MARK3: variants seen among roughly 807,000 people sequenced by gnomAD.
The protein encoded by MARK3 is MAP/microtubule affinity-regulating kinase 3.
In MARK3, 46 loss-of-function variants were observed where a neutral mutation model predicts 90.1. The observed-to-expected ratio is 0.51, with a 90% CI of 0.40 to 0.65. MARK3 has a LOEUF of 0.65. Among genes scored for constraint, MARK3 ranks in the 30% least tolerant of loss-of-function variants. The pLI, the probability that MARK3 is intolerant of heterozygous loss-of-function variation, is 0.00. For missense variants in MARK3, 818 were observed against 947.2 expected (o/e 0.86, Z 1.79); for synonymous variants, 321 against 332.6 (o/e 0.97, Z 0.38).
chr14:103,399,154 C>T lies in MARK3; in HGVS notation c.52-5922C>T, dbSNP rs189160068. Among the ~76,000 whole-genome samples the T allele has an allele frequency of 1.8e-3, 268 of 152,136 alleles. 3 individuals carry two copies. The highest frequency in any genetic ancestry group is 6.0e-3 in the African/African-American group (247 of 41,490). ...AAAAAATTTTTTACGGACTTCCTGC[C>T]GGCAAGGATTTTTTTAAAAGATTTT... On this transcript the variant is annotated intron_variant, in intron 1 of 17. Coordinates refer to ENST00000429436, the MANE Select transcript of MARK3 (RefSeq NM_001128918.3).
intron 14 of MARK3, among the ~76,000 whole-genome samples, chr14:103,487,356 ATAAATT>A (rs1452049438): frequency 6.6e-6 from 1 of 151,840 alleles, no homozygotes; most frequent in African/African-American, 2.4e-5. Flanking sequence ...TAATGAGAAA[ATAAATT>A]TACATTTCCT....
intron 13 of MARK3, among the ~76,000 whole-genome samples, chr14:103,478,460 A>G (rs965005720): frequency 6.6e-6 from 1 of 150,724 alleles, no homozygotes; most frequent in Non-Finnish European, 1.5e-5. Flanking sequence ...GAACCATTTC[A>G]CATGTATCCT....
chr14:103,428,700 C>T (rs533698997), intron 3 of MARK3, among the ~76,000 whole-genome samples: 15 of 151,754 alleles, frequency 9.9e-5, no homozygotes, highest in Admixed American at 4.6e-4. Context: ...TATAGTTGTA[C>T]GAGGCTGTAC....
Position 103,467,789 on chromosome 14 carries a change from C to T in MARK3, c.1111-244C>T, listed in dbSNP as rs1397122900. On this transcript the variant is annotated intron_variant, in intron 11 of 17. Transcript: ENST00000429436. ...CGTAAAGCATCAGATGAAGTAAATA[C>T]AACATTTAAAGTTATTTGAGAAAGC... 3 of 281,882 alleles carry T rather than the reference C, an allele frequency of 1.1e-5. No homozygotes were observed. In the East Asian group the frequency reaches 2.2e-4, roughly 21 times the overall value. 17.5% of individuals were successfully genotyped at this position (281,882 alleles called of 1,614,324 possible). A position where few individuals can be genotyped will look rare whatever the true frequency, so the allele number is the denominator to read the frequency against.
chr14:103,385,917 C>G lies in MARK3; in HGVS notation c.-113C>G. 1 of 834,966 alleles carries G rather than the reference C, an allele frequency of 1.2e-6. No individual in the cohort carries two copies. Among genetic ancestry groups the G allele is most frequent in the South Asian group, 1.4e-5 (1 of 72,502 alleles). 51.7% of individuals were successfully genotyped at this position (834,966 alleles called of 1,614,324 possible). On this transcript the variant is annotated 5_prime_UTR_variant, in exon 1 of 18. Transcript: ENST00000429436. ...CCGTAGGGGGAAGGGAGCCGCCCTC[C>G]CCACGGCGCCTTTTCGGAACTGCCG...
intron 4 of MARK3, among the ~76,000 whole-genome samples, chr14:103,450,088 A>G (rs2141316417): frequency 6.6e-6 from 1 of 152,308 alleles, no homozygotes; most frequent in East Asian, 1.9e-4. Flanking sequence ...TCCTTGTTTC[A>G]TATACTACTA....
At chr14:103,444,751 T>C (rs2092951657) in intron 3 of MARK3, among the ~76,000 whole-genome samples, 1 of 152,000 alleles carries the variant, frequency 6.6e-6, no homozygotes, top group African/African-American at 2.4e-5. Context: ...TACTCCAGCC[T>C]GGGCGACAGA....
At chr14:103,411,041 G>A (rs1339099182) in intron 2 of MARK3, among the ~76,000 whole-genome samples, 4 of 152,172 alleles carry the variant, frequency 2.6e-5, no homozygotes, top group African/African-American at 7.2e-5. Flanking sequence ...TTGGGAGGCC[G>A]AGGTGGGTGG....
At position 103,442,085 on chromosome 14, in the gene MARK3, A is replaced by G. The variant is rs541284995; in HGVS notation, c.298-6834A>G. On this transcript the variant is annotated intron_variant, in intron 3 of 17. Transcript: ENST00000429436. ...ACATATCTTAATATACAGCACCTCC[A>G]TGGCCAGGTGCGGTGGCTCACACCT... Among the ~76,000 whole-genome samples the G allele has an allele frequency of 3.9e-5, 6 of 152,114 alleles. No homozygotes were observed. The South Asian group carries it at 1.0e-3, about 26-fold the overall frequency.
chr14:103,462,573 C>A, intron 7 of MARK3, 112 bp downstream of exon 7: 1 of 614,410 alleles, frequency 1.6e-6, no homozygotes, highest in South Asian at 3.6e-5. Context: ...TTTTAAAATC[C>A]CACAATAATT....
intron 14 of MARK3, among the ~76,000 whole-genome samples, chr14:103,486,887 AATTAGTATGTCAAAAAGT>A (rs199543561): frequency 0.028 from 4,247 of 151,264 alleles, 219 homozygotes; most frequent in African/African-American, 0.098. Flanking sequence ...TTGCCTTTAA[AATTAGTATGTCAAAAAGT>A]TTATTTATTT....
chr14:103,444,401 G>GT (rs2092940834), intron 3 of MARK3, among the ~76,000 whole-genome samples: 2 of 152,070 alleles, frequency 1.3e-5, no homozygotes, highest in Non-Finnish European at 2.9e-5. Context: ...CAATTTATAC[G>GT]TTTCCATGTA....
chr14:103,491,168 C>T, intron 14 of MARK3: 3 of 1,166,708 alleles, frequency 2.6e-6, no homozygotes, highest in Non-Finnish European at 3.3e-6. Context: ...TAATTTTGTG[C>T]TGTGGATTTT....
chr14:103,412,063 G>GGTTTTT (rs1459207681), intron 2 of MARK3: 12 of 443,714 alleles, frequency 2.7e-5, no homozygotes, highest in Non-Finnish European at 3.7e-6. Context: ...GGGATTAGTT[G>GGTTTTT]GTTTTTTGTT....
At chr14:103,426,087 A>C (rs777658234) in intron 2 of MARK3, among the ~76,000 whole-genome samples, 1 of 152,234 alleles carries the variant, frequency 6.6e-6, no homozygotes, top group Admixed American at 6.5e-5. Context: ...TTTTTGTGAT[A>C]CTAGTAAAAC....
chr14:103,474,207 A>G (rs765941329), intron 12 of MARK3, among the ~76,000 whole-genome samples: 1 of 152,230 alleles, frequency 6.6e-6, no homozygotes, highest in Non-Finnish European at 1.5e-5. Context: ...TCCGTCTCGA[A>G]AAAGAAAAAA....
intron 15 of MARK3, among the ~76,000 whole-genome samples, chr14:103,497,194 CGA>C (rs1276094096): frequency 6.6e-6 from 1 of 152,144 alleles, no homozygotes; most frequent in African/African-American, 2.4e-5. Flanking sequence ...ATTGTACTGT[CGA>C]TGACCCTGCT....
chr14:103,461,051 C>T (rs959076993), intron 6 of MARK3, among the ~76,000 whole-genome samples: 1 of 152,188 alleles, frequency 6.6e-6, no homozygotes, highest in African/African-American at 2.4e-5. Context: ...GTCCTTGCTG[C>T]TTATTCTGAA....
chr14:103,435,695 A>C (rs892677998), intron 3 of MARK3, among the ~76,000 whole-genome samples: 4 of 151,986 alleles, frequency 2.6e-5, no homozygotes, highest in African/African-American at 9.7e-5. Flanking sequence ...GGCGTGAGCC[A>C]CCACGCCCGG....
Sources: gnomAD v4.1 joint callset for allele counts (sites outside exome capture counted in the v4.1 genomes callset) on GRCh38, gnomAD v4.1.1 for gene constraint, MANE v1.5 for transcripts, NCBI Gene and HGNC (gene_info 2026-07-23, HGNC 2026-07-21) for gene names.